Variants in MACROD2 observed in about 807,000 individuals in gnomAD.
The protein encoded by MACROD2 is ADP-ribose glycohydrolase MACROD2.
In MACROD2, 36 loss-of-function variants were observed where a neutral mutation model predicts 70.4. That is an observed-to-expected ratio of 0.51 (90% CI 0.39 to 0.68). The LOEUF (loss-of-function observed/expected upper bound fraction) is 0.68. Among genes scored for constraint, MACROD2 ranks in the 30% least tolerant of loss-of-function variants. The pLI, the probability that MACROD2 is intolerant of heterozygous loss-of-function variation, is 0.00. For synonymous variants in MACROD2, 172 were observed against 178.8 expected (o/e 0.96, Z 0.30); for missense variants, 496 against 538.4 (o/e 0.92, Z 0.78).
chr20:15,869,873 G>A (rs2064555359), intron 9 of MACROD2, among the ~76,000 whole-genome samples: 2 of 152,002 alleles, frequency 1.3e-5, no homozygotes, highest in Non-Finnish European at 2.9e-5. Context: ...TGACAGACAT[G>A]TTATTAATTC....
intron 6 of MACROD2, among the ~76,000 whole-genome samples, chr20:15,387,098 G>A (rs1295402329): frequency 2.0e-5 from 3 of 152,194 alleles, no homozygotes; most frequent in Non-Finnish European, 2.9e-5. Flanking sequence ...TTCACAGTAA[G>A]TGTGAGGAAA....
At chr20:15,128,804 C>T (rs1382625777) in intron 5 of MACROD2, among the ~76,000 whole-genome samples, 1 of 150,668 alleles carries the variant, frequency 6.6e-6, no homozygotes, top group African/African-American at 2.4e-5. Flanking sequence ...ACTGCACAGC[C>T]TTTGAAGGAT....
At chr20:14,928,257 C>T (rs1310765377) in intron 5 of MACROD2, among the ~76,000 whole-genome samples, 3 of 152,016 alleles carry the variant, frequency 2.0e-5, no homozygotes, top group Non-Finnish European at 4.4e-5. Context: ...TCTATCCTCA[C>T]GGGTTCATAT....
At chr20:14,186,569 C>T (rs1161269294) in intron 3 of MACROD2, among the ~76,000 whole-genome samples, 3 of 152,078 alleles carry the variant, frequency 2.0e-5, no homozygotes, top group Non-Finnish European at 4.4e-5. Context: ...TTAGAACTAC[C>T]TTTTGACCCA....
At chr20:14,823,028 A>G (rs2072864257) in intron 5 of MACROD2, among the ~76,000 whole-genome samples, 1 of 152,142 alleles carries the variant, frequency 6.6e-6, no homozygotes, top group African/African-American at 2.4e-5. Flanking sequence ...AAACCATTGA[A>G]GAAATACAAC....
chr20:15,418,895 C>T (rs1320883368), intron 6 of MACROD2, among the ~76,000 whole-genome samples: 1 of 152,036 alleles, frequency 6.6e-6, no homozygotes, highest in Admixed American at 6.6e-5. Flanking sequence ...TCCTTCTTAC[C>T]AAGACTAGCT....
intron 3 of MACROD2, among the ~76,000 whole-genome samples, chr20:14,098,580 C>A (rs1240804245): frequency 1.3e-5 from 2 of 152,000 alleles, no homozygotes; most frequent in Non-Finnish European, 2.9e-5. Flanking sequence ...ATTAGGACTG[C>A]ACAGGATGAA....
chr20:15,803,347 G>A (rs2063742519), intron 8 of MACROD2, among the ~76,000 whole-genome samples: 1 of 152,094 alleles, frequency 6.6e-6, no homozygotes, highest in African/African-American at 2.4e-5. Flanking sequence ...CAGCTGGACA[G>A]TGGAAAAAGC....
intron 8 of MACROD2, among the ~76,000 whole-genome samples, chr20:15,792,980 A>G (rs1286607676): frequency 2.0e-5 from 3 of 152,298 alleles, no homozygotes; most frequent in East Asian, 1.9e-4. Flanking sequence ...ATCTTAAAAC[A>G]TGAAGCGTAT....
intron 13 of MACROD2, among the ~76,000 whole-genome samples, chr20:15,979,147 T>C (rs1326491282): frequency 6.6e-6 from 1 of 152,174 alleles, no homozygotes; most frequent in Admixed American, 6.5e-5. Flanking sequence ...TGAGGGGTTA[T>C]ATAAGTCAGC....
rs142516106 is a variant in MACROD2, at chr20:14,885,841, T to G, written c.418+200882T>G. Among the ~76,000 whole-genome samples, 581 of 152,328 alleles carry G rather than the reference T, an allele frequency of 3.8e-3. 2 individuals are homozygous for G. Among genetic ancestry groups the G allele is most frequent in the African/African-American group, 0.013 (547 of 41,582 alleles). The stretch of plus-strand genomic sequence containing the variant: ...AGATTTCAAGTTAGTTTTCAATTGC[T>G]CACTTCCTCTGGGAAGAATTTTATG... On this transcript the variant is annotated intron_variant, in intron 5 of 17. Transcript: ENST00000684519.
chr20:15,109,247 C>T (rs1355961476), intron 5 of MACROD2, among the ~76,000 whole-genome samples: 1 of 152,088 alleles, frequency 6.6e-6, no homozygotes, highest in Non-Finnish European at 1.5e-5. Context: ...GTGATAGATT[C>T]CTGGATGTTC....
intron 3 of MACROD2, among the ~76,000 whole-genome samples, chr20:14,482,494 T>C (rs1209986366): frequency 6.6e-6 from 1 of 151,342 alleles, no homozygotes; most frequent in African/African-American, 2.4e-5. Flanking sequence ...GAGTTAGATT[T>C]GTGCAAGAAG....
chr20:14,629,944 TGTG>T (rs1239082372), intron 4 of MACROD2, among the ~76,000 whole-genome samples: 4 of 148,056 alleles, frequency 2.7e-5, no homozygotes, highest in Non-Finnish European at 6.0e-5. Flanking sequence ...GATCCTATTA[TGTG>T]CTAAGGTCTA....
chr20:15,912,676 C>T (rs1371887513), intron 10 of MACROD2, among the ~76,000 whole-genome samples: 2 of 152,106 alleles, frequency 1.3e-5, no homozygotes, highest in African/African-American at 4.8e-5. Flanking sequence ...TCACATTTCT[C>T]ATTTACCAAA....
intron 3 of MACROD2, among the ~76,000 whole-genome samples, chr20:14,205,680 C>G (rs1194886712): frequency 6.6e-6 from 1 of 152,160 alleles, no homozygotes; most frequent in South Asian, 2.1e-4. Context: ...CTCCTGGGAC[C>G]CTGCCCTATC....
At chr20:14,392,422 A>G (rs1432393113) in intron 3 of MACROD2, among the ~76,000 whole-genome samples, 2 of 152,128 alleles carry the variant, frequency 1.3e-5, no homozygotes, top group Non-Finnish European at 2.9e-5. Flanking sequence ...CTAATTCATT[A>G]TGTAGATCAA....
chr20:13,995,523 T>C lies in MACROD2; in HGVS notation c.-241T>C. ...GCGAGGCGTGACCTAGTTGACAGGC[T>C]CTGAGGTGCTGCTGTGGCGGCGTCC... On this transcript the variant is annotated 5_prime_UTR_variant, in exon 1 of 18. Transcript: ENST00000684519. This position sits in a 1 kb window ranked among gnomAD's most constrained non-coding sequence, Gnocchi z 4.3. 2 of 612,522 alleles carry C rather than the reference T, an allele frequency of 3.3e-6. No homozygotes were observed. Among genetic ancestry groups the C allele is most frequent in the Non-Finnish European group, 6.0e-6 (2 of 335,954 alleles). The allele number at this position is 612,522 out of a possible 1,614,324, so 37.9% of individuals were successfully genotyped here.
chr20:15,559,785 T>C (rs2048218226), intron 8 of MACROD2, among the ~76,000 whole-genome samples: 3 of 152,216 alleles, frequency 2.0e-5, no homozygotes, highest in Non-Finnish European at 4.4e-5. Flanking sequence ...TGCCTGTCTG[T>C]CCTGAAAACC....
Sources: gnomAD v4.1 joint callset for allele counts (sites outside exome capture counted in the v4.1 genomes callset) on GRCh38, gnomAD v4.1.1 for gene constraint, Gnocchi (gnomAD v3.1) non-coding constraint, MANE v1.5 for transcripts, NCBI Gene and HGNC (gene_info 2026-07-23, HGNC 2026-07-21) for gene names.